Variants in HERC1 observed in about 807,000 individuals in gnomAD.
HERC1 encodes HECT and RLD domain containing E3 ubiquitin protein ligase family member 1.
In HERC1, 160 loss-of-function variants were observed where a neutral mutation model predicts 554.3. The observed-to-expected ratio is 0.29, with a 90% confidence interval of 0.25 to 0.33. The LOEUF (loss-of-function observed/expected upper bound fraction) is 0.33, where lower values mean the gene tolerates loss of function less well. HERC1 is among the 10% of genes least tolerant of loss of function. The pLI, the probability that HERC1 is intolerant of heterozygous loss-of-function variation, is 1.00. For missense variants in HERC1, 4,919 were observed against 5,918.5 expected, an observed-to-expected ratio of 0.83 and a Z score of 5.54; for synonymous variants, 2,175 against 2,131.7, an observed-to-expected ratio of 1.02 and a Z score of -0.56.
chr15:63,706,325 A>G (rs1596023952), intron 25 of HERC1, among the ~76,000 whole-genome samples: 1 of 151,796 alleles, frequency 6.6e-6, no homozygotes, highest in Non-Finnish European at 1.5e-5. Flanking sequence ...GCCAAGAGGG[A>G]AAAAAAATAG....
rs781106101 is a variant in HERC1, at chr15:63,649,711, G to C, written c.10747+14C>G. ...TGGAGACTCCGTCAGCTAGACGTAA[G>C]TGCAGTCATTTACCATCCTTTCGAT... On this transcript the variant is annotated intron_variant, in intron 54 of 77. Transcript: ENST00000443617. 2 of 1,600,750 alleles carry C rather than the reference G, an allele frequency of 1.2e-6. No homozygotes were observed. Among genetic ancestry groups the C allele is most frequent in the Non-Finnish European group, 1.7e-6 (2 of 1,168,874 alleles).
intron 1 of HERC1, among the ~76,000 whole-genome samples, chr15:63,784,894 A>C (rs2076393643): frequency 6.6e-6 from 1 of 152,218 alleles, no homozygotes; most frequent in Non-Finnish European, 1.5e-5. Context: ...TACAGGCGTG[A>C]GCCTCTGCCC....
Position 63,698,830 on chromosome 15 carries a change from T to C in HERC1, c.4803A>G (p.Gly1601=). ...TAAAACCTGGGGCATTCCCCACATCTCCACTCACAAAGCTTACAACATTTT... is the reference window on the plus strand; with the variant it reads ...TAAAACCTGGGGCATTCCCCACATCCCCACTCACAAAGCTTACAACATTTT... ...LIENVVSFVS[G]DVGNAPGFKE... is the part of the protein sequence containing the mutation. The change falls in exon 26 of 78, where the codon GGA becomes GGG. Residue 1601 remains glycine, a synonymous_variant. Coordinates refer to ENST00000443617, the MANE Select transcript of HERC1 (RefSeq NM_003922.4). 1 of 1,613,914 alleles carries C rather than the reference T, an allele frequency of 6.2e-7. No homozygotes were observed. The highest frequency in any genetic ancestry group is 8.5e-7 in the Non-Finnish European group (1 of 1,179,850).
chr15:63,610,482 A>G (rs940998637), intron 77 of HERC1, among the ~76,000 whole-genome samples: 1 of 152,248 alleles, frequency 6.6e-6, no homozygotes, highest in Admixed American at 6.5e-5. Context: ...AGCCCAGGAC[A>G]GATATAAGGC....
intron 19 of HERC1, 120 bp downstream of exon 19, chr15:63,723,062 T>C: frequency 1.8e-6 from 1 of 568,650 alleles, no homozygotes; most frequent in Non-Finnish European, 2.7e-6. Context: ...GTTAATAAAA[T>C]ATCTTTTTCT....
chr15:63,639,017 C>T lies in HERC1; in HGVS notation c.11902-241G>A, dbSNP rs148583089. On this transcript the variant is annotated intron_variant, in intron 61 of 77. Coordinates refer to ENST00000443617, the MANE Select transcript of HERC1 (RefSeq NM_003922.4). ...TATGGCATTGGTGATTCAAAGCTAG[C>T]CATGTGTTTTCTGAACACCCACAGG... Among the ~76,000 whole-genome samples, 1,842 of 152,264 alleles carry T rather than the reference C, an allele frequency of 0.012. 21 individuals carry two copies. Among genetic ancestry groups the T allele is most frequent in the East Asian group, 0.023 (117 of 5,180 alleles).
chr15:63,622,798 C>A lies in HERC1; in HGVS notation c.13688+17G>T, dbSNP rs530689067. ...TATTATTTTAGACATATAATGAACA[C>A]TTGCTGACTGCCATACCTGTCCCTA... On this transcript the variant is annotated intron_variant, in intron 74 of 77. Transcript: ENST00000443617. 6.4e-6 allele frequency: 10 copies of A among 1,570,644 alleles called. No individual in the cohort carries two copies. Among genetic ancestry groups the A allele is most frequent in the Non-Finnish European group, 8.7e-6 (10 of 1,155,664 alleles).
At chr15:63,668,909 T>A (rs141342240) in intron 40 of HERC1, among the ~76,000 whole-genome samples, 6 of 152,254 alleles carry the variant, frequency 3.9e-5, no homozygotes, top group Non-Finnish European at 8.8e-5. Context: ...GACAACAGTA[T>A]CAACCAATTT....
chr15:63,768,718 A>G (rs2075859060), intron 2 of HERC1, among the ~76,000 whole-genome samples: 1 of 152,198 alleles, frequency 6.6e-6, no homozygotes, highest in African/African-American at 2.4e-5. Context: ...AAAACAGCAT[A>G]AAGTTTTTAG....
intron 14 of HERC1, among the ~76,000 whole-genome samples, chr15:63,732,189 C>T (rs1401966470): frequency 7.2e-5 from 11 of 152,010 alleles, no homozygotes; most frequent in African/African-American, 1.7e-4. Flanking sequence ...TTAGTAGAGA[C>T]GGGGTTTCAC....
chr15:63,759,416 A>T (rs997469644), intron 3 of HERC1, among the ~76,000 whole-genome samples: 2 of 152,208 alleles, frequency 1.3e-5, no homozygotes, highest in African/African-American at 4.8e-5. Flanking sequence ...TGCCTGCCAA[A>T]AGCATAGGAC....
In HERC1 at chr15:63,615,108, C is replaced by T. The variant is rs115431344; in HGVS notation, c.14094+660G>A. ...TTCATTTACGTGGGCCCTGACTAAC[C>T]CAACTAGAGTGGAGACGCTGAGCTG... On this transcript the variant is annotated intron_variant, in intron 76 of 77. Transcript: ENST00000443617. Among the ~76,000 whole-genome samples the T allele has an allele frequency of 7.6e-3, 1,160 of 152,230 alleles. 10 individuals carry two copies. Among genetic ancestry groups the T allele is most frequent in the African/African-American group, 0.025 (1,025 of 41,528 alleles).
intron 8 of HERC1, among the ~76,000 whole-genome samples, chr15:63,750,531 A>G (rs972214800): frequency 1.3e-5 from 2 of 152,196 alleles, no homozygotes; most frequent in Non-Finnish European, 2.9e-5. Flanking sequence ...TTTTGGTAAG[A>G]TTATATAGAT....
chr15:63,729,367 T>C lies in HERC1; in HGVS notation c.3023A>G (p.Asn1008Ser), dbSNP rs763964497. ...AFCHINNISE[N>S]SSSVALLHKH... ...ATGAAGCAATGCCACACTGCTTGAG[T>C]TCTAAGAAGAAAAAAAGTTCCTAAA... The change falls in exon 16 of 78, where the codon AAC becomes AGC. Residue 1008 changes from asparagine (N) to serine (S), a missense_variant and splice_region_variant. Physicochemically the swap from Asn to Ser is conservative, Grantham distance 46. Transcript: ENST00000443617. The C allele has an allele frequency of 2.5e-6, 4 of 1,595,556 alleles. No homozygotes were observed. Among genetic ancestry groups the C allele is most frequent in the Non-Finnish European group, 3.4e-6 (4 of 1,173,870 alleles).
At chr15:63,651,688 T>C (rs532456111) in intron 52 of HERC1, among the ~76,000 whole-genome samples, 1 of 152,320 alleles carries the variant, frequency 6.6e-6, no homozygotes, top group South Asian at 2.1e-4. Context: ...TGATTCTTAT[T>C]TGCCTAAACT....
Position 63,608,945 on chromosome 15 carries a change from A to C in HERC1, c.*136T>G, listed in dbSNP as rs2067476976. 1.5e-6 allele frequency: 1 copy of C among 676,858 alleles called. No individual in the cohort carries two copies. Among genetic ancestry groups the C allele is most frequent in the African/African-American group, 1.8e-5 (1 of 54,076 alleles). 41.9% of individuals were successfully genotyped at this position (676,858 alleles called of 1,614,324 possible). On this transcript the variant is annotated 3_prime_UTR_variant, in exon 78 of 78. Coordinates refer to ENST00000443617, the MANE Select transcript of HERC1 (RefSeq NM_003922.4). Reference sequence around the variant, plus strand: ...TAATTTCTTTGTTACATTTAGAGTAACTAAATGTGGCCATTGTTTATAATG... The same window carrying C: ...TAATTTCTTTGTTACATTTAGAGTACCTAAATGTGGCCATTGTTTATAATG...
At chr15:63,676,595 A>G (rs1255060303) in intron 37 of HERC1, among the ~76,000 whole-genome samples, 1 of 152,048 alleles carries the variant, frequency 6.6e-6, no homozygotes, top group Admixed American at 6.6e-5. Flanking sequence ...TGTCTCTACA[A>G]AAATATAAAA....
chr15:63,703,873 C>T lies in HERC1; in HGVS notation c.4636+2907G>A, dbSNP rs534385067. 6.5e-4 allele frequency among the ~76,000 whole-genome samples: 98 copies of T among 150,906 alleles called. 1 individual carries two copies. The South Asian group carries it at 0.019, about 29-fold the overall frequency. ...TCAGTGGTGCAGTGAGCTGTGATCG[C>T]ACCACTGTACTCCAGCCTGGGTGAC... On this transcript the variant is annotated intron_variant, in intron 25 of 77. Coordinates refer to ENST00000443617, the MANE Select transcript of HERC1 (RefSeq NM_003922.4).
At chr15:63,789,181 C>A (rs1173486750) in intron 1 of HERC1, among the ~76,000 whole-genome samples, 3 of 144,730 alleles carry the variant, frequency 2.1e-5, no homozygotes, top group Non-Finnish European at 4.5e-5. Flanking sequence ...AGCTCCGCCT[C>A]CCGGGTTCAC....
Sources: gnomAD v4.1 joint callset for allele counts (sites outside exome capture counted in the v4.1 genomes callset) on GRCh38, gnomAD v4.1.1 for gene constraint, MANE v1.5 for transcripts, NCBI Gene and HGNC (gene_info 2026-07-23, HGNC 2026-07-21) for gene names.